The following GRK5 variants were observed in gnomAD, a reference collection of about 807,000 sequenced individuals.
GRK5 encodes the protein G protein-coupled receptor kinase 5, also known as g protein-coupled receptor kinase GRK5.
In GRK5, 40 loss-of-function variants were observed where a neutral mutation model predicts 78.4. That is an observed-to-expected ratio of 0.51 (90% CI 0.40 to 0.66). The LOEUF (loss-of-function observed/expected upper bound fraction) is 0.66. Ranked by LOEUF, GRK5 falls within the 30% of genes least tolerant of loss-of-function variation. The pLI is 0.00. For synonymous variants in GRK5, 289 were observed against 296.8 expected (o/e 0.97, Z 0.27); for missense variants, 598 against 759.9 (o/e 0.79, Z 2.50).
At chr10:119,411,531 A>AG (rs1852336311) in intron 4 of GRK5, among the ~76,000 whole-genome samples, 1 of 152,176 alleles carries the variant, frequency 6.6e-6, no homozygotes. Context: ...AGTTTCTTTG[A>AG]GGGGGGACTG....
intron 1 of GRK5, among the ~76,000 whole-genome samples, chr10:119,214,200 C>G (rs1159660309): frequency 6.6e-6 from 1 of 152,128 alleles, no homozygotes; most frequent in Non-Finnish European, 1.5e-5. Context: ...GTCTCAAACT[C>G]CTGGCCTCAG....
chr10:119,233,164 G>C (rs1454978187), intron 1 of GRK5, among the ~76,000 whole-genome samples: 1 of 152,200 alleles, frequency 6.6e-6, no homozygotes, highest in African/African-American at 2.4e-5. Flanking sequence ...TGTGGGAGCA[G>C]ACGGTGTCTG....
At chr10:119,291,969 C>T (rs1564879518) in intron 1 of GRK5, among the ~76,000 whole-genome samples, 220 of 32,830 alleles carry the variant, frequency 6.7e-3, no homozygotes, top group Non-Finnish European at 7.4e-3. Context: ...CCTCTTCCTC[C>T]TTCTCCTCCT....
At chr10:119,266,074 C>G (rs12357243) in intron 1 of GRK5, among the ~76,000 whole-genome samples, 19,601 of 152,214 alleles carry the variant, frequency 0.13, 1,362 homozygotes, top group Middle Eastern at 0.17. Flanking sequence ...GAAGGCTGTC[C>G]TGAGGTTGTG....
intron 1 of GRK5, among the ~76,000 whole-genome samples, chr10:119,212,589 C>T (rs1848505697): frequency 6.6e-6 from 1 of 152,082 alleles, no homozygotes; most frequent in African/African-American, 2.4e-5. Flanking sequence ...TAAAACTATC[C>T]AGGACTGTGG....
At chr10:119,420,022 C>T (rs1203772551) in intron 4 of GRK5, among the ~76,000 whole-genome samples, 1 of 152,170 alleles carries the variant, frequency 6.6e-6, no homozygotes, top group Non-Finnish European at 1.5e-5. Context: ...AGCCCACTCC[C>T]TCCAGCCAGA....
chr10:119,263,138 G>T (rs1849439104), intron 1 of GRK5, among the ~76,000 whole-genome samples: 1 of 152,068 alleles, frequency 6.6e-6, no homozygotes. Flanking sequence ...CTCCCCAGTA[G>T]CTGGGATTAC....
chr10:119,397,904 T>C (rs1257456849), intron 4 of GRK5, among the ~76,000 whole-genome samples: 1 of 152,250 alleles, frequency 6.6e-6, no homozygotes, highest in African/African-American at 2.4e-5. Flanking sequence ...TTGCCTCCCC[T>C]TGCTGTTTCT....
intron 1 of GRK5, among the ~76,000 whole-genome samples, chr10:119,319,970 C>T (rs529137905): frequency 6.6e-6 from 1 of 152,364 alleles, no homozygotes; most frequent in East Asian, 1.9e-4. Context: ...CAAGAATTAG[C>T]TGCACCCGCC....
chr10:119,291,929 T>A (rs1432778258), intron 1 of GRK5, among the ~76,000 whole-genome samples: 1 of 91,784 alleles, frequency 1.1e-5, no homozygotes, highest in African/African-American at 3.4e-5. Flanking sequence ...TCTTCCTCCT[T>A]CTTTTCCTCC....
At chr10:119,224,159 C>A (rs953471392) in intron 1 of GRK5, among the ~76,000 whole-genome samples, 45 of 152,010 alleles carry the variant, frequency 3.0e-4, no homozygotes, top group African/African-American at 1.1e-3. Context: ...CAGAGTGAGA[C>A]CCTGTCTCTT....
rs1354736874 is a variant in GRK5 at position 119,271,270 on chromosome 10, T to C, written c.53-55246T>C. On this transcript the variant is annotated intron_variant, in intron 1 of 15. Transcript: ENST00000392870. This position sits in a 1 kb window ranked among gnomAD's most constrained non-coding sequence, Gnocchi z 4.1. ...GAGGCCCTCTCAGACACGCCTGGCC[T>C]CTTTAGAGGCTCTCTCATCCCCTCG... Among the ~76,000 whole-genome samples the C allele has an allele frequency of 6.6e-6, 1 of 152,184 alleles. No homozygotes were observed. The highest frequency in any genetic ancestry group is 1.5e-5 in the Non-Finnish European group (1 of 68,024).
intron 1 of GRK5, among the ~76,000 whole-genome samples, chr10:119,308,624 C>T (rs80304688): frequency 1.2e-4 from 18 of 152,216 alleles, no homozygotes; most frequent in South Asian, 2.1e-4. Flanking sequence ...CCGGTCAGCC[C>T]GCGTCTTCGT....
At chr10:119,390,713 C>T (rs1344711090) in intron 3 of GRK5, among the ~76,000 whole-genome samples, 1 of 152,098 alleles carries the variant, frequency 6.6e-6, no homozygotes, top group African/African-American at 2.4e-5. Context: ...AAAAAACAAA[C>T]AAAATATCAG....
At chr10:119,436,964 G>C in intron 9 of GRK5, 123 bp downstream of exon 9, 1 of 917,944 alleles carries the variant, frequency 1.1e-6, no homozygotes, top group East Asian at 2.8e-5. Context: ...ACCAGGGGAG[G>C]ATGCAGAGTC....
rs1207443324 is a variant in GRK5, at chr10:119,379,249, G to T, written c.149-1566G>T. Among the ~76,000 whole-genome samples the T allele has an allele frequency of 6.6e-6, 1 of 152,084 alleles. No individual in the cohort carries two copies. Among genetic ancestry groups the T allele is most frequent in the Non-Finnish European group, 1.5e-5 (1 of 68,016 alleles). On this transcript the variant is annotated intron_variant, in intron 2 of 15. Coordinates refer to ENST00000392870, the MANE Select transcript of GRK5 (RefSeq NM_005308.3). This position sits in a 1 kb window ranked among gnomAD's most constrained non-coding sequence, Gnocchi z 4.1. ...TAGGAGTTAGGTCTGCTTACCGTCC[G>T]CAGTTTACAGACTAGACAACTGAGG...
intron 1 of GRK5, among the ~76,000 whole-genome samples, chr10:119,266,994 A>G (rs1159100680): frequency 1.3e-5 from 2 of 152,066 alleles, no homozygotes; most frequent in East Asian, 1.9e-4. Flanking sequence ...CTGTAATCCC[A>G]GCACTTTGGG....
chr10:119,374,958 G>A (rs565544699), intron 2 of GRK5, among the ~76,000 whole-genome samples: 49 of 152,128 alleles, frequency 3.2e-4, no homozygotes, highest in Non-Finnish European at 6.0e-4. Flanking sequence ...GTAGAACCAT[G>A]AGCCAATTAA....
chr10:119,397,222 G>A (rs527774002), intron 4 of GRK5, among the ~76,000 whole-genome samples: 3 of 152,326 alleles, frequency 2.0e-5, no homozygotes, highest in Admixed American at 2.0e-4. Context: ...AGAGAATTCT[G>A]AAACATATTC....
Sources: gnomAD v4.1 joint callset for allele counts (sites outside exome capture counted in the v4.1 genomes callset) on GRCh38, gnomAD v4.1.1 for gene constraint, Gnocchi (gnomAD v3.1) non-coding constraint, MANE v1.5 for transcripts, NCBI Gene and HGNC (gene_info 2026-07-23, HGNC 2026-07-21) for gene names.